Variants in GRIN1 observed in about 807,000 individuals in gnomAD.
GRIN1 encodes glutamate ionotropic receptor NMDA type subunit 1.
GRIN1 carries 38 observed loss-of-function variants against 103.0 expected under a neutral mutation model. That is an observed-to-expected ratio of 0.37 (90% confidence interval 0.28 to 0.48). The LOEUF (loss-of-function observed/expected upper bound fraction) is 0.48, where lower values mean the gene tolerates loss of function less well. Among genes scored for constraint, GRIN1 ranks in the 20% least tolerant of loss-of-function variants. The pLI, the probability that GRIN1 is intolerant of heterozygous loss-of-function variation, is 0.98. For missense variants in GRIN1, 577 were observed against 1,288.9 expected (o/e 0.45, Z 8.46); for synonymous variants, 544 against 532.7 (o/e 1.02, Z -0.29).
chr9:137,161,212 C>T lies in GRIN1; in HGVS notation c.1339+15C>T, dbSNP rs994140478. 1.2e-6 allele frequency: 2 copies of T among 1,605,916 alleles called. No homozygotes were observed. Among genetic ancestry groups the T allele is most frequent in the African/African-American group, 1.3e-5 (1 of 74,742 alleles). On this transcript the variant is annotated intron_variant, in intron 9 of 19. Transcript: ENST00000371561. Reference sequence around the variant, plus strand: ...GCCGGGCAGCCGTGAGTGCGCGGGGCAGGGCGCGGGGCGCGGGGCAGGGCG... The same window carrying T: ...GCCGGGCAGCCGTGAGTGCGCGGGGTAGGGCGCGGGGCGCGGGGCAGGGCG...
intron 19 of GRIN1, among the ~76,000 whole-genome samples, chr9:137,167,113 AC>A (rs1414526738): frequency 6.6e-6 from 1 of 152,058 alleles, no homozygotes; most frequent in Admixed American, 6.5e-5. Context: ...TTCTGGCATC[AC>A]GTGGCATCTG....
chr9:137,162,357 G>A (rs1047158810), intron 12 of GRIN1, 47 bp from the exon 13 acceptor site: 2 of 1,543,712 alleles, frequency 1.3e-6, no homozygotes, highest in Non-Finnish European at 8.7e-7. Flanking sequence ...GGCGGGGCAG[G>A]GCCGCCTCTC....
intron 2 of GRIN1, among the ~76,000 whole-genome samples, chr9:137,144,643 T>TAA (rs1183732868): frequency 1.6e-5 from 2 of 126,710 alleles, no homozygotes; most frequent in Non-Finnish European, 3.4e-5. Context: ...CGAGACTGTT[T>TAA]AAAAAAAAAA....
intron 8 of GRIN1, 47 bp downstream of exon 8, chr9:137,158,751 C>G: frequency 7.4e-7 from 1 of 1,353,122 alleles, no homozygotes; most frequent in Non-Finnish European, 1.1e-6. Context: ...CCAGACAGCC[C>G]ATCCACCCCC....
intron 10 of GRIN1, among the ~76,000 whole-genome samples, chr9:137,161,635 GA>G (rs1833550321): frequency 8.8e-6 from 1 of 113,852 alleles, no homozygotes; most frequent in Admixed American, 8.6e-5. Flanking sequence ...GGAGGGGCCT[GA>G]CGTGGGGGTC....
intron 2 of GRIN1, among the ~76,000 whole-genome samples, chr9:137,143,141 GCTGGGCTGTGCAGCCAGGCTT>G (rs1832267101): frequency 6.6e-6 from 1 of 152,264 alleles, no homozygotes; most frequent in East Asian, 1.9e-4. Flanking sequence ...GAGCCAGAGG[GCTGGGCTGTGCAGCCAGGCTT>G]CTGGGTCCCC....
chr9:137,142,314 A>T (rs1832221909), intron 2 of GRIN1, among the ~76,000 whole-genome samples, 167 bp downstream of exon 2: 1 of 152,178 alleles, frequency 6.6e-6, no homozygotes, highest in African/African-American at 2.4e-5. Flanking sequence ...TGTCCAACTC[A>T]CACATCTGCA....
Position 137,156,808 on chromosome 9 carries a change from G to T in GRIN1, c.793+18G>T. ...CCCAGACGGTGAGTGCTGGGCCTTGGCGGGGTCCCCGAACGGGGAGGACCC... is the reference window on the plus strand; with the variant it reads ...CCCAGACGGTGAGTGCTGGGCCTTGTCGGGGTCCCCGAACGGGGAGGACCC... On this transcript the variant is annotated intron_variant, in intron 5 of 19. Coordinates refer to ENST00000371561, the MANE Select transcript of GRIN1 (RefSeq NM_007327.4). 1 of 1,599,810 alleles carries T rather than the reference G, an allele frequency of 6.3e-7. No individual in the cohort carries two copies. The highest frequency in any genetic ancestry group is 8.5e-7 in the Non-Finnish European group (1 of 1,173,830).
In GRIN1 at chr9:137,140,385, G is replaced by A. The variant is rs75871081; in HGVS notation, c.258+641G>A. 3.2e-4 allele frequency among the ~76,000 whole-genome samples: 49 copies of A among 152,326 alleles called. 1 individual carries two copies. The East Asian group carries it at 9.3e-3, about 29-fold the overall frequency. The stretch of plus-strand genomic sequence containing the variant: ...CCGAGCGCCTGCTGAATTCCAATGA[G>A]GCTGCAAGGATCTGCAATGCAGCCC... On this transcript the variant is annotated intron_variant, in intron 1 of 19. Coordinates refer to ENST00000371561, the MANE Select transcript of GRIN1 (RefSeq NM_007327.4).
In GRIN1 at chr9:137,167,795, A is replaced by C. The variant is rs2131316135; in HGVS notation, c.*268A>C. On this transcript the variant is annotated 3_prime_UTR_variant, in exon 20 of 20. Transcript: ENST00000371561. Reference sequence around the variant, plus strand: ...GCAGCAGTACCATCCCACTGATATCACGGGCCCGCTCAACCTCTCAGATCC... The same window carrying C: ...GCAGCAGTACCATCCCACTGATATCCCGGGCCCGCTCAACCTCTCAGATCC... 1 of 1,612,088 alleles carries C rather than the reference A, an allele frequency of 6.2e-7. No homozygotes were observed. Among genetic ancestry groups the C allele is most frequent in the Non-Finnish European group, 8.5e-7 (1 of 1,179,550 alleles).
intron 4 of GRIN1, among the ~76,000 whole-genome samples, chr9:137,151,149 A>G (rs979786928): frequency 6.8e-6 from 1 of 147,854 alleles, no homozygotes; most frequent in Non-Finnish European, 1.5e-5. Flanking sequence ...GCCCAGAAAA[A>G]GTCCCGCCCA....
At chr9:137,151,242 G>GA (rs1165653825) in intron 4 of GRIN1, among the ~76,000 whole-genome samples, 1 of 125,888 alleles carries the variant, frequency 7.9e-6, no homozygotes, top group Non-Finnish European at 1.6e-5. Flanking sequence ...GCCCTGCCCA[G>GA]AAAAAAGACC....
chr9:137,163,683 A>G lies in GRIN1; in HGVS notation c.2443+15A>G, dbSNP rs201269307. 11 of 1,612,384 alleles carry G rather than the reference A, an allele frequency of 6.8e-6. No individual in the cohort carries two copies. The highest frequency in any genetic ancestry group is 9.3e-6 in the Non-Finnish European group (11 of 1,179,052). On this transcript the variant is annotated intron_variant, in intron 17 of 19. Coordinates refer to ENST00000371561, the MANE Select transcript of GRIN1 (RefSeq NM_007327.4). ...GAACATGGCCGGTGCGTTCTCCTTC[A>G]TCCATTCTCGGGTGGGTTCTCCGTG...
At chr9:137,156,309 G>A (rs892497242) in intron 4 of GRIN1, among the ~76,000 whole-genome samples, 2 of 152,178 alleles carry the variant, frequency 1.3e-5, no homozygotes, top group African/African-American at 4.8e-5. Flanking sequence ...CAAGAAGGAA[G>A]TCAGTCCCAT....
At chr9:137,149,827 G>A (rs908733807) in intron 4 of GRIN1, among the ~76,000 whole-genome samples, 2 of 152,238 alleles carry the variant, frequency 1.3e-5, no homozygotes, top group African/African-American at 4.8e-5. Context: ...CTCCAACAGA[G>A]CGGAGCAAAA....
intron 4 of GRIN1, among the ~76,000 whole-genome samples, chr9:137,154,151 G>C (rs1387592350): frequency 1.4e-5 from 2 of 147,052 alleles, no homozygotes; most frequent in African/African-American, 2.5e-5. Flanking sequence ...GTGTGAGACA[G>C]TCTTGCTCTG....
rs1834008095 is a variant in GRIN1 at position 137,168,706 on chromosome 9, A to T, written c.*1179A>T. 1.7e-6 allele frequency: 1 copy of T among 593,874 alleles called. No individual in the cohort carries two copies. Among genetic ancestry groups the T allele is most frequent in the African/African-American group, 2.0e-5 (1 of 51,078 alleles). The allele number at this position is 593,874 out of a possible 1,614,324, so 36.8% of individuals were successfully genotyped here. A position where few individuals can be genotyped will look rare whatever the true frequency, so the allele number is the denominator to read the frequency against. On this transcript the variant is annotated 3_prime_UTR_variant, in exon 20 of 20. Coordinates refer to ENST00000371561, the MANE Select transcript of GRIN1 (RefSeq NM_007327.4). The stretch of plus-strand genomic sequence containing the variant: ...CCAGGGTGCAGGCGCGCACCGCCCA[A>T]CCCCCACCTCCCGGTGTATGCAGTG...
chr9:137,145,914 C>G lies in GRIN1; in HGVS notation c.570+12C>G. 6.3e-7 allele frequency: 1 copy of G among 1,585,176 alleles called. No individual in the cohort carries two copies. The highest frequency in any genetic ancestry group is 8.6e-7 in the Non-Finnish European group (1 of 1,165,276). On this transcript the variant is annotated intron_variant, in intron 3 of 19. Coordinates refer to ENST00000371561, the MANE Select transcript of GRIN1 (RefSeq NM_007327.4). ...AGCGTGAGTCCAAGGTGAGGGTCGG[C>G]GCCGCGGGTGGGCGCCTGGCGGAGC...
intron 6 of GRIN1, among the ~76,000 whole-genome samples, chr9:137,158,067 G>C (rs1001354714): frequency 6.6e-6 from 1 of 152,350 alleles, no homozygotes; most frequent in Admixed American, 6.5e-5. Context: ...TCTCTGTAAG[G>C]CAGGATGGTT....
Sources: gnomAD v4.1 joint callset for allele counts (sites outside exome capture counted in the v4.1 genomes callset) on GRCh38, gnomAD v4.1.1 for gene constraint, MANE v1.5 for transcripts, NCBI Gene and HGNC (gene_info 2026-07-23, HGNC 2026-07-21) for gene names.